Variants in CACNA1D observed in about 807,000 individuals in gnomAD.
CACNA1D encodes voltage-dependent L-type calcium channel subunit alpha-1D.
In CACNA1D, 55 loss-of-function variants were observed where a neutral mutation model predicts 257.1. The ratio of observed to expected loss-of-function variants is 0.21; its 90% CI spans 0.17 to 0.27. CACNA1D has a LOEUF of 0.27. Ranked by LOEUF, CACNA1D falls within the 10% of genes least tolerant of loss-of-function variation. The pLI, the probability that CACNA1D is intolerant of heterozygous loss-of-function variation, is 1.00. For missense variants in CACNA1D, 1,876 were observed against 2,784.0 expected, an observed-to-expected ratio of 0.67 and a Z score of 7.34; for synonymous variants, 980 against 1,014.9, an observed-to-expected ratio of 0.97 and a Z score of 0.65.
At chr3:53,586,481 G>A (rs946856194) in intron 3 of CACNA1D, among the ~76,000 whole-genome samples, 7 of 151,744 alleles carry the variant, frequency 4.6e-5, no homozygotes, top group African/African-American at 1.7e-4. Context: ...GCAGTGATAA[G>A]AGCAGGTATC....
At chr3:53,783,389 A>G (rs1472903488) in intron 39 of CACNA1D, among the ~76,000 whole-genome samples, 1 of 152,248 alleles carries the variant, frequency 6.6e-6, no homozygotes, top group Admixed American at 6.5e-5. Context: ...TCAGACTTCT[A>G]GTAGAGTAGA....
intron 47 of CACNA1D, among the ~76,000 whole-genome samples, chr3:53,810,758 CA>C (rs71074934): frequency 0.47 from 31,868 of 68,298 alleles, 5,624 homozygotes; most frequent in East Asian, 0.71. Context: ...ACTCTTGTCT[CA>C]AAAAAAAAAA....
chr3:53,800,488 G>T lies in CACNA1D; in HGVS notation c.5040+123G>T. The T allele has an allele frequency of 6.3e-6, 5 of 789,512 alleles. No homozygotes were observed. Among genetic ancestry groups the T allele is most frequent in the Non-Finnish European group, 1.1e-5 (5 of 435,558 alleles). The allele number at this position is 789,512 out of a possible 1,614,324, so 48.9% of individuals were successfully genotyped here. A position where few individuals can be genotyped will look rare whatever the true frequency, so the allele number is the denominator to read the frequency against. ...TGCAGCCCATCCCCAGGGCCTAGAG[G>T]GGCTTTCAGACCACACCCTCCCCCT... On this transcript the variant is annotated intron_variant, in intron 41 of 47. Transcript: ENST00000350061. This position sits in a 1 kb window ranked among gnomAD's most constrained non-coding sequence, Gnocchi z 4.3.
Position 53,735,852 on chromosome 3 carries a change from G to A in CACNA1D, c.2751+349G>A, listed in dbSNP as rs1435803982. Among the ~76,000 whole-genome samples the A allele has an allele frequency of 2.6e-5, 4 of 152,302 alleles. No individual in the cohort carries two copies. The South Asian group carries it at 8.3e-4, about 32-fold the overall frequency. On this transcript the variant is annotated intron_variant, in intron 20 of 47. Transcript: ENST00000350061. ...CACTCACCCCTGTTTTGAGATTCATGCCTCGTGGAAGCACACAGCAGGGAG... is the reference window on the plus strand; with the variant it reads ...CACTCACCCCTGTTTTGAGATTCATACCTCGTGGAAGCACACAGCAGGGAG...
rs539636694 is a variant in CACNA1D at position 53,706,179 on chromosome 3, C to A, written c.1390+3369C>A. 3.9e-5 allele frequency among the ~76,000 whole-genome samples: 6 copies of A among 152,322 alleles called. No individual in the cohort carries two copies. In the East Asian group the frequency reaches 1.2e-3, roughly 29 times the overall value. ...CTAAGGATGCTAATTCAACTGAGAG[C>A]CCTTTTCAGCTGGGTCCTGGATGTG... On this transcript the variant is annotated intron_variant, in intron 9 of 47. Coordinates refer to ENST00000350061, the MANE Select transcript of CACNA1D (RefSeq NM_001128840.3).
intron 3 of CACNA1D, among the ~76,000 whole-genome samples, chr3:53,510,934 A>T (rs184984302): frequency 1.3e-5 from 2 of 152,294 alleles, no homozygotes; most frequent in Admixed American, 1.3e-4. Context: ...AGGTGCTTAG[A>T]TACTATTGTT....
intron 3 of CACNA1D, among the ~76,000 whole-genome samples, chr3:53,616,232 A>G (rs1300083489): frequency 1.3e-5 from 2 of 152,206 alleles, no homozygotes; most frequent in East Asian, 3.8e-4. Flanking sequence ...GGTTGTGATC[A>G]GCGTTCGACT....
At chr3:53,752,048 CTGT>C in intron 28 of CACNA1D, 141 bp downstream of exon 28, 2 of 805,354 alleles carry the variant, frequency 2.5e-6, no homozygotes, top group Non-Finnish European at 4.4e-6. Flanking sequence ...GGCCAGAGTT[CTGT>C]TCTGGCTGAC....
Position 53,800,153 on chromosome 3 carries a change from C to T in CACNA1D, c.4924-96C>T, listed in dbSNP as rs1242969388. The T allele has an allele frequency of 2.3e-6, 2 of 881,138 alleles. No individual in the cohort carries two copies. The highest frequency in any genetic ancestry group is 3.9e-6 in the Non-Finnish European group (2 of 512,630). 54.6% of individuals were successfully genotyped at this position (881,138 alleles called of 1,614,324 possible). ...GATTGGCTTTTGGGGAAGCCTTCCT[C>T]CCCACCGCTGAATCAGGAAGGAGCA... is the stretch of plus-strand genomic sequence containing the variant. On this transcript the variant is annotated intron_variant, in intron 40 of 47. Transcript: ENST00000350061. The surrounding 1 kb of genome is among the most constrained non-coding windows in gnomAD (Gnocchi z 4.3).
At chr3:53,563,115 G>C (rs1198578674) in intron 3 of CACNA1D, among the ~76,000 whole-genome samples, 1 of 152,158 alleles carries the variant, frequency 6.6e-6, no homozygotes, top group Non-Finnish European at 1.5e-5. Flanking sequence ...TCAAGATCCA[G>C]TGGATATGTG....
intron 3 of CACNA1D, among the ~76,000 whole-genome samples, chr3:53,531,912 T>C (rs1431298202): frequency 3.9e-5 from 6 of 152,176 alleles, no homozygotes; most frequent in African/African-American, 9.7e-5. Flanking sequence ...ACAATGTATG[T>C]TGCATGCCCA....
intron 46 of CACNA1D, 89 bp downstream of exon 46, chr3:53,808,859 C>A: frequency 7.4e-7 from 1 of 1,350,924 alleles, no homozygotes; most frequent in Non-Finnish European, 1.0e-6. Flanking sequence ...TGGCCTTAAG[C>A]ACCAGGAGGG....
chr3:53,506,875 A>G (rs1478756046), intron 3 of CACNA1D, among the ~76,000 whole-genome samples: 2 of 152,136 alleles, frequency 1.3e-5, no homozygotes, highest in Non-Finnish European at 2.9e-5. Flanking sequence ...ATTGCAGATG[A>G]TTCTATTTGG....
chr3:53,509,062 C>G (rs1016843605), intron 3 of CACNA1D, among the ~76,000 whole-genome samples: 3 of 152,142 alleles, frequency 2.0e-5, no homozygotes, highest in Non-Finnish European at 2.9e-5. Context: ...CCTGTCTGCT[C>G]ATGTGATGGA....
chr3:53,612,096 A>G (rs1253319894), intron 3 of CACNA1D, among the ~76,000 whole-genome samples: 1 of 152,192 alleles, frequency 6.6e-6, no homozygotes, highest in Non-Finnish European at 1.5e-5. Flanking sequence ...CTCTTTCATT[A>G]TGCATGTTTT....
At chr3:53,655,685 A>T (rs1488391298) in intron 4 of CACNA1D, among the ~76,000 whole-genome samples, 1 of 151,848 alleles carries the variant, frequency 6.6e-6, no homozygotes, top group African/African-American at 2.4e-5. Context: ...AAGTTGTTTG[A>T]GTTCCTTATA....
At chr3:53,704,067 G>A (rs2094657394) in intron 9 of CACNA1D, among the ~76,000 whole-genome samples, 1 of 152,166 alleles carries the variant, frequency 6.6e-6, no homozygotes, top group Admixed American at 6.5e-5. Context: ...CAGGGAGGAA[G>A]CAGTGGGCCC....
intron 3 of CACNA1D, among the ~76,000 whole-genome samples, chr3:53,630,831 T>G (rs913781578): frequency 6.6e-6 from 1 of 152,206 alleles, no homozygotes; most frequent in South Asian, 2.1e-4. Context: ...AAGCAAATAT[T>G]TGCAGTAAAG....
At chr3:53,662,454 T>C (rs1353301368) in intron 5 of CACNA1D, among the ~76,000 whole-genome samples, 2 of 152,178 alleles carry the variant, frequency 1.3e-5, no homozygotes, top group Non-Finnish European at 2.9e-5. Context: ...TCCCTGTCCT[T>C]CCGTGTTGGA....
Sources: gnomAD v4.1 joint callset for allele counts (sites outside exome capture counted in the v4.1 genomes callset) on GRCh38, gnomAD v4.1.1 for gene constraint, Gnocchi (gnomAD v3.1) non-coding constraint, MANE v1.5 for transcripts, NCBI Gene and HGNC (gene_info 2026-07-23, HGNC 2026-07-21) for gene names.